AFG2A: variants seen among roughly 807,000 people sequenced by gnomAD.
AFG2A encodes the protein ATPase family gene 2 protein homolog A.
At chr4:123,003,687 C>T in the AFG2A span, among the ~76,000 whole-genome samples, 488 of 151,998 alleles carry the variant, frequency 3.2e-3, 2 homozygotes, top group African/African-American at 0.011. Context: ...GAGGAGTACC[C>T]GGCCGTGTGA....
chr4:123,300,935 A>G, the AFG2A span, among the ~76,000 whole-genome samples: 17 of 152,044 alleles, frequency 1.1e-4, no homozygotes, highest in South Asian at 1.0e-3. Flanking sequence ...TCCATTTTGT[A>G]TTTTCTGTAC....
chr4:123,134,983 A>G, the AFG2A span, among the ~76,000 whole-genome samples: 1 of 152,158 alleles, frequency 6.6e-6, no homozygotes, highest in Non-Finnish European at 1.5e-5. Flanking sequence ...AGTATTCCTG[A>G]TGATCATTGA....
At chr4:123,250,287 ACCAG>A in the AFG2A span, among the ~76,000 whole-genome samples, 17 of 152,344 alleles carry the variant, frequency 1.1e-4, no homozygotes, top group African/African-American at 3.4e-4. Flanking sequence ...CATGTGAAAT[ACCAG>A]ATGTTTTGAG....
the AFG2A span, chr4:123,318,227 T>G: frequency 6.6e-6 from 1 of 152,152 alleles, no homozygotes; most frequent in Admixed American, 6.5e-5. Context: ...TTTTAGGACC[T>G]AGGAAACAAA....
chr4:123,212,987 A>G, the AFG2A span, among the ~76,000 whole-genome samples: 2 of 152,154 alleles, frequency 1.3e-5, no homozygotes, highest in Admixed American at 1.3e-4. Flanking sequence ...ATAATCATAA[A>G]ATATCACATT....
chr4:123,165,505 T>C, the AFG2A span, among the ~76,000 whole-genome samples: 1 of 152,136 alleles, frequency 6.6e-6, no homozygotes, highest in Non-Finnish European at 1.5e-5. Context: ...CTTGAAATTA[T>C]TTCATTAGAA....
chr4:123,020,507 T>C, the AFG2A span, among the ~76,000 whole-genome samples: 8,154 of 151,996 alleles, frequency 0.054, 521 homozygotes, highest in African/African-American at 0.16. Context: ...TAGCGGAGTT[T>C]CCAGGTGCCG....
chr4:123,280,023 GACA>G, the AFG2A span, among the ~76,000 whole-genome samples: 27 of 152,204 alleles, frequency 1.8e-4, 1 homozygote, highest in Non-Finnish European at 1.5e-5. Flanking sequence ...TATTGCAGAG[GACA>G]ATACCATGTG....
chr4:122,953,561 A>G, the AFG2A span, among the ~76,000 whole-genome samples: 18 of 152,230 alleles, frequency 1.2e-4, no homozygotes, highest in Non-Finnish European at 2.4e-4. Flanking sequence ...GCTTTCATCC[A>G]GTCTAACAGG....
chr4:122,935,952 T>C, the AFG2A span: 1 of 1,323,058 alleles, frequency 7.6e-7, no homozygotes, highest in South Asian at 1.7e-5. Context: ...CACTGAAATA[T>C]TTTGCTTCTT....
chr4:122,958,934 C>T, the AFG2A span, among the ~76,000 whole-genome samples: 126,444 of 152,160 alleles, frequency 0.83, 53,705 homozygotes, highest in East Asian at 0.96. Context: ...TTGTCTGTGA[C>T]TGGACATTTG....
At chr4:123,125,459 T>C in the AFG2A span, among the ~76,000 whole-genome samples, 1 of 152,180 alleles carries the variant, frequency 6.6e-6, no homozygotes, top group South Asian at 2.1e-4. Context: ...AGTTAATTGT[T>C]CCATCTAGTT....
chr4:123,151,105 A>T, the AFG2A span, among the ~76,000 whole-genome samples: 1 of 152,328 alleles, frequency 6.6e-6, no homozygotes, highest in South Asian at 2.1e-4. Context: ...CTTACACCTT[A>T]TACAAAAATT....
At chr4:123,055,934 A>T in the AFG2A span, among the ~76,000 whole-genome samples, 2 of 152,226 alleles carry the variant, frequency 1.3e-5, no homozygotes, top group African/African-American at 4.8e-5. Context: ...GTTTCTTACA[A>T]TATTTGATAT....
chr4:123,217,793 G>GGTTT, the AFG2A span, among the ~76,000 whole-genome samples: 1 of 152,172 alleles, frequency 6.6e-6, no homozygotes, highest in African/African-American at 2.4e-5. Flanking sequence ...AGCATTTACA[G>GGTTT]GTTTGTTTGT....
chr4:122,939,198 G>A, the AFG2A span, among the ~76,000 whole-genome samples: 2 of 146,384 alleles, frequency 1.4e-5, no homozygotes, highest in Non-Finnish European at 3.0e-5. Context: ...CAATTCTCCT[G>A]CCTCAGCCTC....
chr4:123,256,221 C>T, the AFG2A span: 15 of 1,603,912 alleles, frequency 9.4e-6, no homozygotes, highest in Middle Eastern at 1.7e-4. Context: ...GGGAGGAAAG[C>T]GGTGGCTCAG....
the AFG2A span, among the ~76,000 whole-genome samples, chr4:123,143,600 G>C: frequency 6.6e-6 from 1 of 151,898 alleles, no homozygotes; most frequent in Non-Finnish European, 1.5e-5. Flanking sequence ...GTTTAAAGAA[G>C]GCATGACTTA....
chr4:122,940,936 A>G, the AFG2A span, among the ~76,000 whole-genome samples: 1 of 151,394 alleles, frequency 6.6e-6, no homozygotes, highest in East Asian at 1.9e-4. Flanking sequence ...CAAAGATCAG[A>G]TAGTTGTAGA....
Sources: allele counts gnomAD v4.1 joint callset (sites outside exome capture counted in the v4.1 genomes callset), GRCh38; gene constraint gnomAD v4.1.1; transcripts MANE v1.5; gene names NCBI Gene and HGNC (gene_info 2026-07-23, HGNC 2026-07-21).